The following KIF26B variants were observed in gnomAD, a reference collection of about 807,000 sequenced individuals.
KIF26B encodes the protein kinesin-like protein KIF26B.
Under a neutral mutation model 151.2 loss-of-function variants are expected in KIF26B, and 63 were observed. The ratio of observed to expected loss-of-function variants is 0.42; its 90% CI spans 0.34 to 0.51. The LOEUF is 0.51. Ranked by LOEUF, KIF26B falls within the 20% of genes least tolerant of loss-of-function variation. The probability of loss-of-function intolerance (pLI) is 0.07; values close to 1 mark genes in which losing one functional copy is unlikely to be tolerated. For missense variants in KIF26B, 2,813 were observed against 2,913.6 expected, an observed-to-expected ratio of 0.97 and a Z score of 0.79; for synonymous variants, 1,357 against 1,262.1, an observed-to-expected ratio of 1.08 and a Z score of -1.59.
chr1:245,420,148 T>A (rs1360714999), intron 4 of KIF26B, among the ~76,000 whole-genome samples: 2 of 152,148 alleles, frequency 1.3e-5, no homozygotes, highest in East Asian at 3.9e-4. Context: ...GTTTCCAGAT[T>A]TATCTTCTCA....
intron 2 of KIF26B, among the ~76,000 whole-genome samples, chr1:245,309,932 A>ATC (rs1671634732): frequency 1.4e-5 from 2 of 146,620 alleles, no homozygotes; most frequent in South Asian, 2.1e-4. Flanking sequence ...ATCAATAAAT[A>ATC]TCTCTCTCTC....
At position 245,197,042 on chromosome 1, in the gene KIF26B, G is replaced by C. The variant is rs542693438; in HGVS notation, c.465+40359G>C. Among the ~76,000 whole-genome samples the C allele has an allele frequency of 1.1e-4, 17 of 152,258 alleles. 1 individual carries two copies. In the East Asian group the frequency reaches 3.3e-3, roughly 29 times the overall value. On this transcript the variant is annotated intron_variant, in intron 2 of 14. Transcript: ENST00000407071. ...CGCATTTGGAGATGTTGGCAAGTGC[G>C]TCGAGCCACTCAGAGGGCACGGATT...
intron 2 of KIF26B, among the ~76,000 whole-genome samples, chr1:245,199,586 C>G (rs553370529): frequency 6.6e-6 from 1 of 151,746 alleles, no homozygotes; most frequent in East Asian, 1.9e-4. Flanking sequence ...TCAAGTGATT[C>G]TTCTGCCTCA....
rs2103123983 is a variant in KIF26B, at chr1:245,572,962, T to C, written c.1351-29615T>C. ...GAACAGATTCTGTAGCGTAAAATTC[T>C]TTATAAATACACATATCAATGGAGT... On this transcript the variant is annotated intron_variant, in intron 5 of 14. Coordinates refer to ENST00000407071, the MANE Select transcript of KIF26B (RefSeq NM_018012.4). This position sits in a 1 kb window ranked among gnomAD's most constrained non-coding sequence, Gnocchi z 4.2. Among the ~76,000 whole-genome samples, 1 of 152,316 alleles carries C rather than the reference T, an allele frequency of 6.6e-6. No individual in the cohort carries two copies. The highest frequency in any genetic ancestry group is 2.1e-4 in the South Asian group (1 of 4,832).
chr1:245,271,099 C>T (rs1486763064), intron 2 of KIF26B, among the ~76,000 whole-genome samples: 1 of 152,146 alleles, frequency 6.6e-6, no homozygotes. Flanking sequence ...CTATTCTGCT[C>T]CACTGGTCTG....
At chr1:245,316,331 C>G (rs1671775044) in intron 2 of KIF26B, among the ~76,000 whole-genome samples, 1 of 151,998 alleles carries the variant, frequency 6.6e-6, no homozygotes, top group African/African-American at 2.4e-5. Flanking sequence ...ACCATGTTGG[C>G]CAGGTTGGTC....
At chr1:245,250,538 T>C (rs1361230918) in intron 2 of KIF26B, among the ~76,000 whole-genome samples, 26 of 152,234 alleles carry the variant, frequency 1.7e-4, no homozygotes, top group Admixed American at 1.7e-3. Flanking sequence ...GACACATACA[T>C]AGTCTTCAGC....
intron 4 of KIF26B, among the ~76,000 whole-genome samples, chr1:245,430,079 T>C (rs1658742690): frequency 6.6e-6 from 1 of 152,304 alleles, no homozygotes; most frequent in Admixed American, 6.5e-5. Context: ...ACAGTGGACA[T>C]TAACGAAAAC....
chr1:245,204,217 A>G (rs1437201122), intron 2 of KIF26B, among the ~76,000 whole-genome samples: 2 of 152,182 alleles, frequency 1.3e-5, no homozygotes, highest in Non-Finnish European at 2.9e-5. Flanking sequence ...CCTAGGAGAG[A>G]GGAACAAATG....
At chr1:245,164,208 T>C (rs907073362) in intron 2 of KIF26B, among the ~76,000 whole-genome samples, 2 of 152,232 alleles carry the variant, frequency 1.3e-5, no homozygotes, top group Non-Finnish European at 2.9e-5. Flanking sequence ...GAGAGAATCA[T>C]GCAATTTTTC....
At chr1:245,528,585 A>G (rs962781647) in intron 4 of KIF26B, among the ~76,000 whole-genome samples, 7 of 152,206 alleles carry the variant, frequency 4.6e-5, no homozygotes, top group African/African-American at 1.7e-4. Context: ...TGCATGGGCA[A>G]TGAAGCAGCT....
chr1:245,685,440 C>T lies in KIF26B; in HGVS notation c.2457C>T (p.Cys819=), dbSNP rs374358674. The change falls in exon 12 of 15, where the codon TGC becomes TGT. Residue 819 remains cysteine, a synonymous_variant. Transcript: ENST00000407071. ...TSSSSGGESS[C]EEGRMRRPTQ... is the part of the protein sequence containing the mutation. ...GCTCGTCCGGCGGGGAGAGCTCCTG[C>T]GAAGAAGGCCGCATGCGCAGGCCCA... is the stretch of plus-strand genomic sequence containing the variant. The T allele has an allele frequency of 1.1e-4, 173 of 1,613,130 alleles. 2 individuals carry two copies. The highest frequency in any genetic ancestry group is 2.1e-4 in the African/African-American group (16 of 75,056).
intron 9 of KIF26B, among the ~76,000 whole-genome samples, chr1:245,636,314 C>A (rs1207392941): frequency 6.6e-6 from 1 of 151,560 alleles, no homozygotes; most frequent in Non-Finnish European, 1.5e-5. Context: ...TTTATTATGA[C>A]CTCTTGATGA....
intron 2 of KIF26B, among the ~76,000 whole-genome samples, chr1:245,195,987 G>A (rs1669185751): frequency 1.3e-5 from 2 of 152,146 alleles, no homozygotes; most frequent in African/African-American, 4.8e-5. Context: ...GGAGGGACTG[G>A]AGCCCTTGCC....
chr1:245,269,567 T>C (rs1167441669), intron 2 of KIF26B, among the ~76,000 whole-genome samples: 2 of 151,724 alleles, frequency 1.3e-5, no homozygotes, highest in African/African-American at 4.8e-5. Flanking sequence ...TGGGTTCAAG[T>C]GATTCTCCTG....
chr1:245,531,318 G>A (rs1202702131), intron 4 of KIF26B, among the ~76,000 whole-genome samples: 1 of 152,090 alleles, frequency 6.6e-6, no homozygotes, highest in Non-Finnish European at 1.5e-5. Flanking sequence ...TAGTAGAAAG[G>A]CCTTGGATTT....
chr1:245,344,334 T>A (rs1291205647), intron 2 of KIF26B, among the ~76,000 whole-genome samples: 1 of 151,504 alleles, frequency 6.6e-6, no homozygotes, highest in East Asian at 1.9e-4. Flanking sequence ...AAGAGTCATA[T>A]CCCCCTTTAA....
intron 2 of KIF26B, among the ~76,000 whole-genome samples, chr1:245,288,155 T>C (rs1239748822): frequency 6.6e-6 from 1 of 152,078 alleles, no homozygotes; most frequent in Admixed American, 6.6e-5. Context: ...TTTCTCGGAG[T>C]CCATCTGCTC....
intron 2 of KIF26B, among the ~76,000 whole-genome samples, chr1:245,261,199 G>A (rs1670631205): frequency 6.6e-6 from 1 of 151,480 alleles, no homozygotes; most frequent in South Asian, 2.1e-4. Flanking sequence ...AGGCTGGAGT[G>A]CAATGGTGCA....
Sources: gnomAD v4.1 joint callset for allele counts (sites outside exome capture counted in the v4.1 genomes callset) on GRCh38, gnomAD v4.1.1 for gene constraint, Gnocchi (gnomAD v3.1) non-coding constraint, MANE v1.5 for transcripts, NCBI Gene and HGNC (gene_info 2026-07-23, HGNC 2026-07-21) for gene names.